Variants in UBXN7 observed in about 807,000 individuals in gnomAD.
The protein encoded by UBXN7 is UBX domain-containing protein 7.
UBXN7 carries 9 observed loss-of-function variants against 58.0 expected under a neutral mutation model. That is an observed-to-expected ratio of 0.16 (90% CI 0.09 to 0.27). The LOEUF (loss-of-function observed/expected upper bound fraction) is 0.27, where lower values mean the gene tolerates loss of function less well. UBXN7 is among the 10% of genes least tolerant of loss of function. The probability of loss-of-function intolerance (pLI) is 1.00; values close to 1 mark genes in which losing one functional copy is unlikely to be tolerated. For synonymous variants in UBXN7, 208 were observed against 205.0 expected, an observed-to-expected ratio of 1.01 and a Z score of -0.12; for missense variants, 328 against 599.6, an observed-to-expected ratio of 0.55 and a Z score of 4.73.
At chr3:196,408,533 T>G (rs1399801904) in intron 1 of UBXN7, among the ~76,000 whole-genome samples, 1 of 152,204 alleles carries the variant, frequency 6.6e-6, no homozygotes, top group East Asian at 1.9e-4. Flanking sequence ...TTCTGGCCAC[T>G]AAAAAGCACC....
At chr3:196,405,339 G>A (rs1358355238) in intron 2 of UBXN7, among the ~76,000 whole-genome samples, 1 of 151,358 alleles carries the variant, frequency 6.6e-6, no homozygotes. Context: ...GCGTGGTGGA[G>A]TGTACCAGCA....
At chr3:196,378,665 T>C (rs1021564926) in intron 5 of UBXN7, among the ~76,000 whole-genome samples, 1 of 152,382 alleles carries the variant, frequency 6.6e-6, no homozygotes, top group Admixed American at 6.5e-5. Context: ...GATGTTGCCA[T>C]GGCATTTGTA....
At chr3:196,425,200 AG>A (rs1328846534) in intron 1 of UBXN7, among the ~76,000 whole-genome samples, 1 of 152,092 alleles carries the variant, frequency 6.6e-6, no homozygotes, top group Non-Finnish European at 1.5e-5. Context: ...TTACATACCT[AG>A]GTGTCCAAAA....
At chr3:196,363,485 C>A (rs1352198588) in intron 8 of UBXN7, among the ~76,000 whole-genome samples, 1 of 151,382 alleles carries the variant, frequency 6.6e-6, no homozygotes, top group Admixed American at 6.6e-5. Flanking sequence ...TGAAACCCCG[C>A]CTCTACTAAA....
Position 196,362,454 on chromosome 3 carries a change from C to T in UBXN7, c.1068G>A (p.Gly356=), listed in dbSNP as rs983397622. The change falls in exon 9 of 11, where the codon GGG becomes GGA. Residue 356 remains glycine, a synonymous_variant. Coordinates refer to ENST00000296328, the MANE Select transcript of UBXN7 (RefSeq NM_015562.2). The part of the protein sequence containing the change: ...KSRKSPHKDL[G]HRKEENRRPL... Reference sequence around the variant, plus strand: ...GCCTTCTATTCTCCTCTTTTCTATGCCCCAAATCTTTGTGGGGAGACTTTC... The same window carrying T: ...GCCTTCTATTCTCCTCTTTTCTATGTCCCAAATCTTTGTGGGGAGACTTTC... 3.1e-6 allele frequency: 5 copies of T among 1,614,034 alleles called. No individual in the cohort carries two copies. In the African/African-American group the frequency reaches 4.0e-5, roughly 13 times the overall value.
At chr3:196,383,512 C>T (rs1177875584) in intron 5 of UBXN7, among the ~76,000 whole-genome samples, 1 of 152,190 alleles carries the variant, frequency 6.6e-6, no homozygotes, top group East Asian at 1.9e-4. Context: ...CTCAGCACCA[C>T]ATCACACTTA....
intron 5 of UBXN7, among the ~76,000 whole-genome samples, chr3:196,386,143 C>T (rs1729386582): frequency 6.6e-6 from 1 of 151,918 alleles, no homozygotes; most frequent in African/African-American, 2.4e-5. Context: ...AAGGGCGGTG[C>T]AAGATGTGCT....
At chr3:196,417,175 T>C (rs367920869) in intron 1 of UBXN7, among the ~76,000 whole-genome samples, 33 of 151,884 alleles carry the variant, frequency 2.2e-4, no homozygotes, top group African/African-American at 4.8e-4. Context: ...TAGCCGGGCG[T>C]GGTGGCGGGC....
At chr3:196,426,655 C>T (rs564954606) in intron 1 of UBXN7, among the ~76,000 whole-genome samples, 1 of 152,072 alleles carries the variant, frequency 6.6e-6, no homozygotes, top group East Asian at 1.9e-4. Context: ...TCGAGACCAG[C>T]CTGACCAAAA....
chr3:196,426,485 C>T (rs566963411), intron 1 of UBXN7, among the ~76,000 whole-genome samples: 1 of 151,982 alleles, frequency 6.6e-6, no homozygotes, highest in African/African-American at 2.4e-5. Flanking sequence ...CTGTGACCAC[C>T]TTTCCAGACA....
intron 1 of UBXN7, among the ~76,000 whole-genome samples, chr3:196,426,229 C>A (rs1367718729): frequency 1.3e-5 from 2 of 151,712 alleles, no homozygotes; most frequent in Non-Finnish European, 2.9e-5. Flanking sequence ...ATTAAAAATA[C>A]AAAAAATTTA....
intron 1 of UBXN7, among the ~76,000 whole-genome samples, chr3:196,426,848 A>G (rs76975599): frequency 6.4e-5 from 9 of 140,980 alleles, no homozygotes; most frequent in African/African-American, 2.4e-4. Flanking sequence ...ACTCTGTCTC[A>G]AAAAAAAAAA....
At chr3:196,409,223 A>G (rs1404052811) in intron 1 of UBXN7, among the ~76,000 whole-genome samples, 1 of 152,002 alleles carries the variant, frequency 6.6e-6, no homozygotes, top group East Asian at 1.9e-4. Context: ...CTAATTTTTT[A>G]TAACTAGAAG....
At chr3:196,364,981 A>T (rs1728621618) in intron 8 of UBXN7, among the ~76,000 whole-genome samples, 1 of 152,202 alleles carries the variant, frequency 6.6e-6, no homozygotes, top group Non-Finnish European at 1.5e-5. Flanking sequence ...GACATTGCAC[A>T]TATAGCATGT....
chr3:196,363,251 A>ATAT (rs1560218784), intron 8 of UBXN7, among the ~76,000 whole-genome samples: 1 of 40,232 alleles, frequency 2.5e-5, no homozygotes, highest in Non-Finnish European at 6.0e-5. Context: ...TACATACATA[A>ATAT]ATATATATAT....
intron 2 of UBXN7, among the ~76,000 whole-genome samples, chr3:196,406,073 T>C (rs1375028221): frequency 6.6e-6 from 1 of 151,924 alleles, no homozygotes; most frequent in Non-Finnish European, 1.5e-5. Flanking sequence ...CTCTGTGTCA[T>C]CCAGGTTGGA....
chr3:196,361,729 TTAA>T, intron 10 of UBXN7, 112 bp downstream of exon 10: 1 of 890,388 alleles, frequency 1.1e-6, no homozygotes, highest in Non-Finnish European at 1.7e-6. Context: ...TACTGCACAC[TTAA>T]TAGACTATGG....
chr3:196,415,880 T>G (rs1364462665), intron 1 of UBXN7, among the ~76,000 whole-genome samples: 1 of 152,198 alleles, frequency 6.6e-6, no homozygotes, highest in Non-Finnish European at 1.5e-5. Context: ...TTTCGGCTGC[T>G]TGTTCTAGCA....
rs185106250 is a variant in UBXN7 at position 196,398,294 on chromosome 3, A to G, written c.289+4658T>C. On this transcript the variant is annotated intron_variant, in intron 3 of 10. Transcript: ENST00000296328. ...CACACCCAGATTGCTGACCCAAAGA[A>G]ACTGAGATAACAAACGTTTGTTTTT... Among the ~76,000 whole-genome samples the G allele has an allele frequency of 2.0e-3, 299 of 152,304 alleles. 2 individuals carry two copies. Among genetic ancestry groups the G allele is most frequent in the African/African-American group, 6.8e-3 (283 of 41,578 alleles).
Sources: allele counts gnomAD v4.1 joint callset (sites outside exome capture counted in the v4.1 genomes callset), GRCh38; gene constraint gnomAD v4.1.1; transcripts MANE v1.5; gene names NCBI Gene and HGNC (gene_info 2026-07-23, HGNC 2026-07-21).